The following SCN11A variants were observed in gnomAD, a reference collection of about 807,000 sequenced individuals.
SCN11A encodes the protein sodium voltage-gated channel alpha subunit 11, also known as sodium channel protein type 11 subunit alpha.
SCN11A carries 122 observed loss-of-function variants against 162.2 expected under a neutral mutation model. The ratio of observed to expected loss-of-function variants is 0.75; its 90% CI spans 0.65 to 0.87. The LOEUF (loss-of-function observed/expected upper bound fraction) is 0.87. Ranked by LOEUF, SCN11A falls within the 40% of genes least tolerant of loss-of-function variation. The pLI, the probability that SCN11A is intolerant of heterozygous loss-of-function variation, is 0.00. For missense variants in SCN11A, 2,015 were observed against 2,181.6 expected, an observed-to-expected ratio of 0.92 and a Z score of 1.52; for synonymous variants, 758 against 751.5, an observed-to-expected ratio of 1.01 and a Z score of -0.14.
chr3:38,960,201 G>A (rs1033352705), intron 3 of SCN11A, among the ~76,000 whole-genome samples, 82 bp downstream of exon 3: 2 of 152,176 alleles, frequency 1.3e-5, no homozygotes, highest in African/African-American at 4.8e-5. Flanking sequence ...CTACCCTGAT[G>A]AGAAAAACAA....
Position 38,847,182 on chromosome 3 carries a change from A to T in SCN11A, c.4888T>A (p.Trp1630Arg), listed in dbSNP as rs1559482606. The stretch of plus-strand genomic sequence containing the variant: ...GTTGCTTCTGGGTCAAACTTTTCCC[A>T]CACTTCATAAAATATGTCAAAGTCA... ...EDDFDIFYEV[W>R]EKFDPEATQF... Residue 1630 changes from tryptophan to arginine, a missense_variant, in exon 30 of 30, where the codon TGG becomes AGG. By Grantham distance (101) the Trp-to-Arg change is moderately radical. Coordinates refer to ENST00000302328, the MANE Select transcript of SCN11A (RefSeq NM_001349253.2). The T allele has an allele frequency of 6.2e-7, 1 of 1,614,164 alleles. No individual in the cohort carries two copies. Among genetic ancestry groups the T allele is most frequent in the Non-Finnish European group, 8.5e-7 (1 of 1,180,008 alleles).
At chr3:39,015,247 A>G (rs761528760) in intron 2 of SCN11A, among the ~76,000 whole-genome samples, 3 of 152,168 alleles carry the variant, frequency 2.0e-5, no homozygotes, top group Non-Finnish European at 4.4e-5. Flanking sequence ...ATGTGATAGC[A>G]TAGTAAGAAA....
chr3:38,910,004 GA>G (rs2065862633), intron 12 of SCN11A, 61 bp downstream of exon 12: 1 of 1,494,664 alleles, frequency 6.7e-7, no homozygotes. Context: ...GTAAGTGATA[GA>G]GGGGGAAGGA....
intron 5 of SCN11A, among the ~76,000 whole-genome samples, chr3:38,948,434 T>G (rs2066550864): frequency 6.6e-6 from 1 of 152,220 alleles, no homozygotes; most frequent in Non-Finnish European, 1.5e-5. Context: ...TTGCTGACAC[T>G]TCTCTACTTC....
chr3:38,951,229 CG>C (rs2066609308), intron 4 of SCN11A, among the ~76,000 whole-genome samples: 2 of 152,280 alleles, frequency 1.3e-5, no homozygotes, highest in Non-Finnish European at 2.9e-5. Flanking sequence ...GTGGGCTTGG[CG>C]GGCGCCGCAC....
At chr3:38,903,832 T>C in intron 16 of SCN11A, 33 bp downstream of exon 16, 1 of 1,439,860 alleles carries the variant, frequency 6.9e-7, no homozygotes, top group East Asian at 2.4e-5. Flanking sequence ...AAGTATGAAA[T>C]ATGTTTTTTA....
At chr3:38,928,221 G>C (rs1484349403) in intron 7 of SCN11A, among the ~76,000 whole-genome samples, 1 of 152,148 alleles carries the variant, frequency 6.6e-6, no homozygotes, top group African/African-American at 2.4e-5. Flanking sequence ...AAATTTGAAA[G>C]TCATATACCT....
intron 2 of SCN11A, among the ~76,000 whole-genome samples, chr3:38,987,363 T>G (rs4616582): frequency 0.47 from 70,325 of 148,314 alleles, 20,493 homozygotes; most frequent in African/African-American, 0.83. Context: ...CTTTACAGGA[T>G]TCACTCATCT....
At chr3:38,889,115 A>G (rs973351202) in intron 19 of SCN11A, among the ~76,000 whole-genome samples, 6 of 152,186 alleles carry the variant, frequency 3.9e-5, no homozygotes, top group African/African-American at 1.4e-4. Context: ...TAAAAAAAAT[A>G]CAGCCTACAT....
intron 4 of SCN11A, 102 bp from the exon 5 acceptor site, chr3:38,950,471 A>T (rs1273905401): frequency 5.5e-6 from 7 of 1,262,236 alleles, no homozygotes; most frequent in Non-Finnish European, 7.8e-6. Context: ...TGTCATAAGG[A>T]TCTACAAAAG....
intron 11 of SCN11A, among the ~76,000 whole-genome samples, chr3:38,913,994 T>C (rs192105674): frequency 1.3e-5 from 2 of 152,338 alleles, no homozygotes; most frequent in African/African-American, 4.8e-5. Context: ...TGATTCCATA[T>C]AAATTTTAAA....
chr3:38,904,820 C>T (rs564907345), intron 15 of SCN11A, among the ~76,000 whole-genome samples: 5 of 152,274 alleles, frequency 3.3e-5, no homozygotes, highest in African/African-American at 1.2e-4. Flanking sequence ...ATAACAACTG[C>T]CACCTCCTGG....
intron 2 of SCN11A, among the ~76,000 whole-genome samples, chr3:38,995,798 T>C (rs1036295990): frequency 6.8e-6 from 1 of 147,532 alleles, no homozygotes; most frequent in Non-Finnish European, 1.5e-5. Context: ...CACAATAAAT[T>C]GTCTATCTAT....
At chr3:38,978,781 G>T (rs1000109531) in intron 2 of SCN11A, among the ~76,000 whole-genome samples, 1 of 152,158 alleles carries the variant, frequency 6.6e-6, no homozygotes, top group Non-Finnish European at 1.5e-5. Flanking sequence ...TGGACCCAGC[G>T]TGCTTTGGCC....
intron 7 of SCN11A, among the ~76,000 whole-genome samples, chr3:38,941,690 G>A: frequency 6.6e-6 from 1 of 151,922 alleles, no homozygotes; most frequent in East Asian, 1.9e-4. Context: ...AATAGGTAAA[G>A]CTAAAAGGCC....
intron 2 of SCN11A, among the ~76,000 whole-genome samples, chr3:38,985,050 C>CA (rs1409129829): frequency 3.3e-5 from 5 of 149,456 alleles, no homozygotes; most frequent in African/African-American, 1.3e-4. Flanking sequence ...TTTTGTGATA[C>CA]AATGAAAGCC....
intron 2 of SCN11A, among the ~76,000 whole-genome samples, chr3:38,981,405 A>G (rs954973571): frequency 1.3e-5 from 2 of 152,174 alleles, no homozygotes; most frequent in South Asian, 2.1e-4. Context: ...TTTGGCTCCA[A>G]TATGAACAGA....
At chr3:39,002,450 A>G (rs2030843906) in intron 2 of SCN11A, among the ~76,000 whole-genome samples, 1 of 152,238 alleles carries the variant, frequency 6.6e-6, no homozygotes, top group Non-Finnish European at 1.5e-5. Flanking sequence ...GAACAGGAAA[A>G]CATACACAGT....
At chr3:38,949,944 T>C in intron 5 of SCN11A, 152 bp downstream of exon 5, 1 of 605,348 alleles carries the variant, frequency 1.7e-6, no homozygotes, top group East Asian at 2.8e-5. Context: ...TTCAGGACTA[T>C]CAAGGCAATG....
Sources: allele counts gnomAD v4.1 joint callset (sites outside exome capture counted in the v4.1 genomes callset), GRCh38; gene constraint gnomAD v4.1.1; transcripts MANE v1.5; gene names NCBI Gene and HGNC (gene_info 2026-07-23, HGNC 2026-07-21).